The following RAD51B variants were observed in gnomAD, a reference collection of about 807,000 sequenced individuals.
The protein encoded by RAD51B is DNA repair protein RAD51 homolog 2.
A neutral mutation model predicts 42.2 loss-of-function variants in RAD51B; 38 were observed. The ratio of observed to expected loss-of-function variants is 0.90; its 90% CI spans 0.70 to 1.18. The LOEUF (loss-of-function observed/expected upper bound fraction) is 1.18, where lower values mean the gene tolerates loss of function less well. Ranked by LOEUF, RAD51B falls within the 50% of genes most tolerant of loss-of-function variation. The probability of loss-of-function intolerance (pLI) is 0.00; values close to 1 mark genes in which losing one functional copy is unlikely to be tolerated. For synonymous variants in RAD51B, 154 were observed against 145.2 expected (o/e 1.06, Z -0.43); for missense variants, 373 against 400.7 (o/e 0.93, Z 0.59).
chr14:67,822,295 A>T (rs913004371), intron 1 of RAD51B: 2 of 152,184 alleles, frequency 1.3e-5, no homozygotes, highest in African/African-American at 2.4e-5. Context: ...CTCTGTGAAG[A>T]TAAATCTTTC....
intron 7 of RAD51B, among the ~76,000 whole-genome samples, chr14:68,281,970 G>A (rs1413448739): frequency 6.6e-6 from 1 of 151,834 alleles, no homozygotes; most frequent in Non-Finnish European, 1.5e-5. Context: ...CCTTTGGCCA[G>A]GACATCCTTT....
At chr14:67,958,013 C>A (rs1296899413) in intron 7 of RAD51B, among the ~76,000 whole-genome samples, 2 of 152,186 alleles carry the variant, frequency 1.3e-5, no homozygotes, top group East Asian at 3.8e-4. Flanking sequence ...ATACAAAATA[C>A]ATTGCACATA....
At chr14:68,143,773 G>A (rs186347203) in intron 7 of RAD51B, among the ~76,000 whole-genome samples, 2 of 152,170 alleles carry the variant, frequency 1.3e-5, no homozygotes, top group African/African-American at 4.8e-5. Flanking sequence ...CAGAGGAAGC[G>A]CAGGGTGGTT....
chr14:68,228,412 G>A (rs753595875), intron 7 of RAD51B, among the ~76,000 whole-genome samples: 4 of 152,174 alleles, frequency 2.6e-5, no homozygotes, highest in African/African-American at 4.8e-5. Context: ...AATAATTCAT[G>A]TACTGCTTAA....
At chr14:68,630,022 C>G (rs1051679533) in intron 10 of RAD51B, among the ~76,000 whole-genome samples, 1 of 152,210 alleles carries the variant, frequency 6.6e-6, no homozygotes, top group Non-Finnish European at 1.5e-5. Context: ...GACCAGGTTT[C>G]CTACCACTTC....
At chr14:68,561,760 G>A (rs1443421299) in intron 10 of RAD51B, among the ~76,000 whole-genome samples, 3 of 152,180 alleles carry the variant, frequency 2.0e-5, no homozygotes, top group South Asian at 2.1e-4. Context: ...ATTCTGAGAC[G>A]GGAGCTCCTT....
intron 5 of RAD51B, among the ~76,000 whole-genome samples, chr14:67,883,342 A>C (rs1381626960): frequency 2.0e-5 from 3 of 151,614 alleles, no homozygotes; most frequent in Non-Finnish European, 4.4e-5. Flanking sequence ...AAAAAAAAAA[A>C]CAAAAACCAC....
At chr14:67,821,109 CTT>C (rs1410337762) in intron 1 of RAD51B, among the ~76,000 whole-genome samples, 2 of 152,214 alleles carry the variant, frequency 1.3e-5, no homozygotes, top group South Asian at 2.1e-4. Flanking sequence ...ACTGATCTGA[CTT>C]TTGCAGGCGA....
At chr14:68,075,091 G>A (rs905208862) in intron 7 of RAD51B, among the ~76,000 whole-genome samples, 1 of 152,178 alleles carries the variant, frequency 6.6e-6, no homozygotes, top group African/African-American at 2.4e-5. Context: ...CCTTTCACTT[G>A]TTTCTTGAGG....
At chr14:67,928,075 T>G (rs1413368053) in intron 7 of RAD51B, among the ~76,000 whole-genome samples, 1 of 152,192 alleles carries the variant, frequency 6.6e-6, no homozygotes, top group Non-Finnish European at 1.5e-5. Flanking sequence ...GGAGGACTGA[T>G]ATGAGTTTTT....
intron 7 of RAD51B, among the ~76,000 whole-genome samples, chr14:68,207,452 C>T (rs995853080): frequency 2.6e-5 from 4 of 152,084 alleles, no homozygotes; most frequent in African/African-American, 9.7e-5. Flanking sequence ...ATTCACATGA[C>T]AGGGTGAAGC....
intron 8 of RAD51B, among the ~76,000 whole-genome samples, chr14:68,402,965 G>A (rs749802747): frequency 6.6e-6 from 1 of 152,148 alleles, no homozygotes; most frequent in Non-Finnish European, 1.5e-5. Context: ...AAGCCCAGAC[G>A]GAGTCAGAAA....
chr14:68,510,054 C>G (rs1347883428), intron 10 of RAD51B, among the ~76,000 whole-genome samples: 5 of 152,124 alleles, frequency 3.3e-5, no homozygotes, highest in African/African-American at 4.8e-5. Flanking sequence ...CTCACCTCCC[C>G]CTAGCCCCAC....
intron 7 of RAD51B, among the ~76,000 whole-genome samples, chr14:67,932,846 TG>T (rs1241928318): frequency 6.6e-6 from 1 of 152,128 alleles, no homozygotes; most frequent in Non-Finnish European, 1.5e-5. Flanking sequence ...ACACCACCAG[TG>T]GGGGCACAGT....
intron 7 of RAD51B, among the ~76,000 whole-genome samples, chr14:68,010,459 G>C (rs1331633559): frequency 2.0e-5 from 3 of 151,662 alleles, no homozygotes; most frequent in Non-Finnish European, 4.4e-5. Flanking sequence ...TAGTTGTTTG[G>C]GGTCCTGTAT....
intron 7 of RAD51B, among the ~76,000 whole-genome samples, chr14:68,109,414 T>G (rs2077426094): frequency 1.3e-5 from 2 of 152,120 alleles, no homozygotes; most frequent in South Asian, 4.1e-4. Flanking sequence ...TCTGGCCTGG[T>G]GCTAATGAGA....
chr14:68,511,404 CCT>C (rs1885717678), intron 10 of RAD51B, among the ~76,000 whole-genome samples: 1 of 152,314 alleles, frequency 6.6e-6, no homozygotes, highest in East Asian at 1.9e-4. Flanking sequence ...GAATATGAAA[CCT>C]CTGAAATCTG....
At chr14:67,916,334 T>A (rs1020337811) in intron 7 of RAD51B, among the ~76,000 whole-genome samples, 3 of 152,014 alleles carry the variant, frequency 2.0e-5, no homozygotes, top group Non-Finnish European at 2.9e-5. Flanking sequence ...CAGGTTGGAG[T>A]GTAGTGGAGC....
At chr14:68,597,746 A>T (rs1169101092), downstream of RAD51B, among the ~76,000 whole-genome samples, 1 of 151,906 alleles carries the variant, frequency 6.6e-6, no homozygotes, top group Non-Finnish European at 1.5e-5. Flanking sequence ...CCCCTGTAAC[A>T]CAAGTTTACC....
Sources: allele counts gnomAD v4.1 joint callset (sites outside exome capture counted in the v4.1 genomes callset), GRCh38; gene constraint gnomAD v4.1.1; transcripts MANE v1.5; gene names NCBI Gene and HGNC (gene_info 2026-07-23, HGNC 2026-07-21).